C10orf95: variants seen among roughly 807,000 people sequenced by gnomAD.
C10orf95 encodes uncharacterized protein C10orf95.
For synonymous variants in C10orf95, 188 were observed against 160.4 expected, an observed-to-expected ratio of 1.17 and a Z score of -1.30; for missense variants, 412 against 327.4, an observed-to-expected ratio of 1.26 and a Z score of -1.99.
At position 102,451,438 on chromosome 10, in the gene C10orf95, C is replaced by T. The variant is rs775290561; in HGVS notation, c.-107G>A. The stretch of plus-strand genomic sequence containing the variant: ...CGGGATCCAGAGCGGGGCTCCTCTC[C>T]GCACTTTGTAGCTGCGTTGCTCCGC... On this transcript the variant is annotated 5_prime_UTR_variant, in exon 1 of 2. Coordinates refer to ENST00000625129, the MANE Select transcript of C10orf95 (RefSeq NM_001363580.1). 4 of 1,455,048 alleles carry T rather than the reference C, an allele frequency of 2.7e-6. No individual in the cohort carries two copies. Among genetic ancestry groups the T allele is most frequent in the Admixed American group, 1.8e-5 (1 of 55,070 alleles). 90.1% of individuals were successfully genotyped at this position (1,455,048 alleles called of 1,614,324 possible). A position where few individuals can be genotyped will look rare whatever the true frequency, so the allele number is the denominator to read the frequency against.
In C10orf95 at chr10:102,450,334, A is replaced by G. The variant is rs1467986873; in HGVS notation, c.*118T>C. The stretch of plus-strand genomic sequence containing the variant: ...ATGGGAGAAGCCAAAAAGACAGGTG[A>G]GCAGCGCGTCCGCCTCCCGCGCACA... On this transcript the variant is annotated 3_prime_UTR_variant, in exon 2 of 2. Transcript: ENST00000625129. 3 of 1,101,922 alleles carry G rather than the reference A, an allele frequency of 2.7e-6. No individual in the cohort carries two copies. Among genetic ancestry groups the G allele is most frequent in the Non-Finnish European group, 4.0e-6 (3 of 755,512 alleles). The allele number at this position is 1,101,922 out of a possible 1,614,324, so 68.3% of individuals were successfully genotyped here.
In C10orf95 at chr10:102,450,490, C is replaced by G. The variant is rs1277965531; in HGVS notation, c.604G>C (p.Glu202Gln). The change falls in exon 2 of 2, where the codon GAG becomes CAG. Residue 202 changes from glutamate (E) to glutamine (Q), a missense_variant. By Grantham distance (29) the Glu-to-Gln change is conservative (BLOSUM62 2). Coordinates refer to ENST00000625129, the MANE Select transcript of C10orf95 (RefSeq NM_001363580.1). ...GDSSPAREAAERGRPRKSKGL... is the reference protein window; with the variant it reads ...GDSSPAREAAQRGRPRKSKGL... ...TTGCTCTTCCTGGGGCGGCCGCGCTCCGCGGCTTCCCGGGCTGGGCTGCTG... is the reference window on the plus strand; with the variant it reads ...TTGCTCTTCCTGGGGCGGCCGCGCTGCGCGGCTTCCCGGGCTGGGCTGCTG... 3 of 1,447,668 alleles carry G rather than the reference C, an allele frequency of 2.1e-6. No individual in the cohort carries two copies. Among genetic ancestry groups the G allele is most frequent in the Non-Finnish European group, 9.0e-7 (1 of 1,107,116 alleles). 89.7% of individuals were successfully genotyped at this position (1,447,668 alleles called of 1,614,324 possible).
In C10orf95 at chr10:102,450,826, C is replaced by T. The variant is rs1565243956; in HGVS notation, c.268G>A (p.Ala90Thr). ...GACAGTCCCGAGATGCCGGCGGCGGCGCAGGGCCGGCGCAGGGTCGTGGCG... is the reference window on the plus strand; with the variant it reads ...GACAGTCCCGAGATGCCGGCGGCGGTGCAGGGCCGGCGCAGGGTCGTGGCG... Reference protein sequence around the residue: ...AYATTLRRPCAAAGISGLSLQ... With the variant: ...AYATTLRRPCTAAGISGLSLQ... The change falls in exon 2 of 2, where the codon GCC becomes ACC. Residue 90 changes from alanine (A) to threonine (T), a missense_variant. Coordinates refer to ENST00000625129, the MANE Select transcript of C10orf95 (RefSeq NM_001363580.1). 8.0e-7 allele frequency: 1 copy of T among 1,249,172 alleles called. No homozygotes were observed. The highest frequency in any genetic ancestry group is 1.0e-6 in the Non-Finnish European group (1 of 1,000,166). 77.4% of individuals were successfully genotyped at this position (1,249,172 alleles called of 1,614,324 possible). A position where few individuals can be genotyped will look rare whatever the true frequency, so the allele number is the denominator to read the frequency against.
chr10:102,450,488 C>G lies in C10orf95; in HGVS notation c.606G>C (p.Glu202Asp), dbSNP rs1346192670. 2 of 1,450,780 alleles carry G rather than the reference C, an allele frequency of 1.4e-6. No homozygotes were observed. The highest frequency in any genetic ancestry group is 1.8e-6 in the Non-Finnish European group (2 of 1,108,444). 89.9% of individuals were successfully genotyped at this position (1,450,780 alleles called of 1,614,324 possible). Reference sequence around the variant, plus strand: ...CCTTGCTCTTCCTGGGGCGGCCGCGCTCCGCGGCTTCCCGGGCTGGGCTGC... The same window carrying G: ...CCTTGCTCTTCCTGGGGCGGCCGCGGTCCGCGGCTTCCCGGGCTGGGCTGC... ...GDSSPAREAA[E>D]RGRPRKSKGL... The change falls in exon 2 of 2, where the codon GAG becomes GAC. Residue 202 changes from glutamate (E) to aspartate (D), a missense_variant. Glu to Asp is a conservative substitution (Grantham distance 45). Transcript: ENST00000625129.
chr10:102,451,327 A>G (rs1225819510), intron 1 of C10orf95, 59 bp downstream of exon 1: 13 of 1,533,556 alleles, frequency 8.5e-6, no homozygotes, highest in Admixed American at 7.3e-5. Flanking sequence ...CCCAGCAGAC[A>G]ATAAGGAGCC....
In C10orf95 at chr10:102,450,773, C is replaced by G. The variant is rs1452025721; in HGVS notation, c.321G>C (p.Glu107Asp). Residue 107 changes from glutamate (E) to aspartate (D), a missense_variant, in exon 2 of 2, where the codon GAG becomes GAC. Physicochemically the swap from Glu to Asp is conservative, Grantham distance 45 (BLOSUM62 2). Coordinates refer to ENST00000625129, the MANE Select transcript of C10orf95 (RefSeq NM_001363580.1). ...CGCCCTCCGGCCACGGCGCCCAGCTCTCGGCCACCGCCGCGGGCGCCTGCA... is the reference window on the plus strand; with the variant it reads ...CGCCCTCCGGCCACGGCGCCCAGCTGTCGGCCACCGCCGCGGGCGCCTGCA... ...LSLQAPAAVA[E>D]SWAPWPEGGS... The G allele has an allele frequency of 8.5e-6, 11 of 1,290,348 alleles. No homozygotes were observed. Among genetic ancestry groups the G allele is most frequent in the Non-Finnish European group, 1.1e-5 (11 of 1,018,534 alleles). 79.9% of individuals were successfully genotyped at this position (1,290,348 alleles called of 1,614,324 possible). A position where few individuals can be genotyped will look rare whatever the true frequency, so the allele number is the denominator to read the frequency against.
In C10orf95 at chr10:102,451,454, G is replaced by A. The variant is rs1238015128; in HGVS notation, c.-123C>T. On this transcript the variant is annotated 5_prime_UTR_variant, in exon 1 of 2. The change creates a new upstream start codon in the 5' untranslated region. Transcript: ENST00000625129. ...GCTCCTCTCCGCACTTTGTAGCTGC[G>A]TTGCTCCGCTCCATGCCCTGCCTCA... is the stretch of plus-strand genomic sequence containing the variant. 7.0e-7 allele frequency: 1 copy of A among 1,428,994 alleles called. No individual in the cohort carries two copies. The highest frequency in any genetic ancestry group is 1.4e-5 in the African/African-American group (1 of 70,452). 88.5% of individuals were successfully genotyped at this position (1,428,994 alleles called of 1,614,324 possible). A position where few individuals can be genotyped will look rare whatever the true frequency, so the allele number is the denominator to read the frequency against.
At position 102,450,396 on chromosome 10, in the gene C10orf95, C is replaced by T. The variant is rs987733192; in HGVS notation, c.*56G>A. The T allele has an allele frequency of 5.3e-6, 8 of 1,506,118 alleles. No individual in the cohort carries two copies. The African/African-American group carries it at 1.1e-4, about 21-fold the overall frequency. The allele number at this position is 1,506,118 out of a possible 1,614,324, so 93.3% of individuals were successfully genotyped here. A position where few individuals can be genotyped will look rare whatever the true frequency, so the allele number is the denominator to read the frequency against. The stretch of plus-strand genomic sequence containing the variant: ...ACTTCTGCCTGTCGGCGGCGGCACA[C>T]ACAGGAAAGAGCCAAGCGCGTGCAC... On this transcript the variant is annotated 3_prime_UTR_variant, in exon 2 of 2. Transcript: ENST00000625129.
Position 102,450,563 on chromosome 10 carries a change from G to A in C10orf95, c.531C>T (p.Pro177=). ...LLQATPRVLE[P]DHRVEWRVRR... is the part of the protein sequence containing the mutation. ...GCACGCGCCACTCCACGCGGTGGTC[G>A]GGCTCGAGCACGCGCGGCGTCGCCT... Residue 177 remains proline, a synonymous_variant, in exon 2 of 2, where the codon CCC becomes CCT. Coordinates refer to ENST00000625129, the MANE Select transcript of C10orf95 (RefSeq NM_001363580.1). The A allele has an allele frequency of 7.7e-7, 1 of 1,299,264 alleles. No individual in the cohort carries two copies. The highest frequency in any genetic ancestry group is 2.4e-5 in the South Asian group (1 of 42,286). 80.5% of individuals were successfully genotyped at this position (1,299,264 alleles called of 1,614,324 possible).
Position 102,450,390 on chromosome 10 carries a change from G to A in C10orf95, c.*62C>T. On this transcript the variant is annotated 3_prime_UTR_variant, in exon 2 of 2. Coordinates refer to ENST00000625129, the MANE Select transcript of C10orf95 (RefSeq NM_001363580.1). The stretch of plus-strand genomic sequence containing the variant: ...GGGCTCACTTCTGCCTGTCGGCGGC[G>A]GCACACACAGGAAAGAGCCAAGCGC... The A allele has an allele frequency of 2.0e-6, 3 of 1,490,820 alleles. No individual in the cohort carries two copies. In the South Asian group the frequency reaches 3.6e-5, roughly 18 times the overall value. The allele number at this position is 1,490,820 out of a possible 1,614,324, so 92.3% of individuals were successfully genotyped here. A position where few individuals can be genotyped will look rare whatever the true frequency, so the allele number is the denominator to read the frequency against.
In C10orf95 at chr10:102,450,292, G is replaced by A. The variant is rs1296735531; in HGVS notation, c.*160C>T. 1 of 802,886 alleles carries A rather than the reference G, an allele frequency of 1.2e-6. No individual in the cohort carries two copies. Among genetic ancestry groups the A allele is most frequent in the South Asian group, 1.5e-5 (1 of 68,956 alleles). The allele number at this position is 802,886 out of a possible 1,614,324, so 49.7% of individuals were successfully genotyped here. ...AATAAAGCGAGAGAAACAAGTGCAGGAAACTGGCCGGCAGTCATGGGAGAA... is the reference window on the plus strand; with the variant it reads ...AATAAAGCGAGAGAAACAAGTGCAGAAAACTGGCCGGCAGTCATGGGAGAA... On this transcript the variant is annotated 3_prime_UTR_variant, in exon 2 of 2. Coordinates refer to ENST00000625129, the MANE Select transcript of C10orf95 (RefSeq NM_001363580.1).
At chr10:102,451,282 G>C (rs1245716472) in intron 1 of C10orf95, 104 bp downstream of exon 1, 36 of 1,438,362 alleles carry the variant, frequency 2.5e-5, no homozygotes, top group Non-Finnish European at 1.8e-5. Context: ...TCCCCGCCTA[G>C]CCTCTTGTCC....
At position 102,450,346 on chromosome 10, in the gene C10orf95, G is replaced by A. The variant is rs1033082379; in HGVS notation, c.*106C>T. Reference sequence around the variant, plus strand: ...AAAAAGACAGGTGAGCAGCGCGTCCGCCTCCCGCGCACAGGTGAGGGCTCA... The same window carrying A: ...AAAAAGACAGGTGAGCAGCGCGTCCACCTCCCGCGCACAGGTGAGGGCTCA... On this transcript the variant is annotated 3_prime_UTR_variant, in exon 2 of 2. Transcript: ENST00000625129. 8.1e-6 allele frequency: 10 copies of A among 1,237,728 alleles called. No individual in the cohort carries two copies. The Admixed American group carries it at 1.0e-4, about 12-fold the overall frequency. 76.7% of individuals were successfully genotyped at this position (1,237,728 alleles called of 1,614,324 possible).
chr10:102,451,291 C>G, intron 1 of C10orf95, 95 bp downstream of exon 1: 1 of 1,461,098 alleles, frequency 6.8e-7, no homozygotes, highest in East Asian at 2.4e-5. Flanking sequence ...AGCCTCTTGT[C>G]CCAAGGTCGG....
rs1565243592 is a variant in C10orf95 at position 102,450,424 on chromosome 10, G to A, written c.*28C>T. 1.4e-5 allele frequency: 21 copies of A among 1,528,252 alleles called. No homozygotes were observed. The highest frequency in any genetic ancestry group is 1.8e-5 in the Non-Finnish European group (21 of 1,141,650). 94.7% of individuals were successfully genotyped at this position (1,528,252 alleles called of 1,614,324 possible). A position where few individuals can be genotyped will look rare whatever the true frequency, so the allele number is the denominator to read the frequency against. The stretch of plus-strand genomic sequence containing the variant: ...AGGAAAGAGCCAAGCGCGTGCACGC[G>A]GGCCCGCCCCTAGGCCTTGCGGCGG... On this transcript the variant is annotated 3_prime_UTR_variant, in exon 2 of 2. Coordinates refer to ENST00000625129, the MANE Select transcript of C10orf95 (RefSeq NM_001363580.1).
In C10orf95 at chr10:102,450,844, T is replaced by A; in HGVS notation, c.250A>T (p.Thr84Ser). Residue 84 changes from threonine to serine, a missense_variant, in exon 2 of 2, where the codon ACC becomes TCC. Coordinates refer to ENST00000625129, the MANE Select transcript of C10orf95 (RefSeq NM_001363580.1). ...WWACPPAYATTLRRPCAAAGI... is the reference protein window; with the variant it reads ...WWACPPAYATSLRRPCAAAGI... ...GCGGCGGCGCAGGGCCGGCGCAGGG[T>A]CGTGGCGTAGGCCGGAGGGCAGGCC... 1 of 1,239,434 alleles carries A rather than the reference T, an allele frequency of 8.1e-7. No homozygotes were observed. The highest frequency in any genetic ancestry group is 1.0e-6 in the Non-Finnish European group (1 of 993,700). The allele number at this position is 1,239,434 out of a possible 1,614,324, so 76.8% of individuals were successfully genotyped here. A position where few individuals can be genotyped will look rare whatever the true frequency, so the allele number is the denominator to read the frequency against.
rs749541923 is a variant in C10orf95, at chr10:102,450,643, T to G, written c.451A>C (p.Thr151Pro). ...ACGCGCACGTCGGCGCGGGGGTAGG[T>G]GCCGTACGCGCGCCGCAGCTCCCGG... is the stretch of plus-strand genomic sequence containing the variant. ...VRRELRRAYGTYPRADVRVTQ... is the reference protein window; with the variant it reads ...VRRELRRAYGPYPRADVRVTQ... The change falls in exon 2 of 2, where the codon ACC becomes CCC. Residue 151 changes from threonine to proline, a missense_variant. Physicochemically the swap from Thr to Pro is conservative, Grantham distance 38. Coordinates refer to ENST00000625129, the MANE Select transcript of C10orf95 (RefSeq NM_001363580.1). 42 of 1,231,522 alleles carry G rather than the reference T, an allele frequency of 3.4e-5. No individual in the cohort carries two copies. In the East Asian group the frequency reaches 1.2e-3, roughly 34 times the overall value. The allele number at this position is 1,231,522 out of a possible 1,614,324, so 76.3% of individuals were successfully genotyped here.
In C10orf95 at chr10:102,451,044, G is replaced by T; in HGVS notation, c.50C>A (p.Pro17Gln). 1 of 1,357,692 alleles carries T rather than the reference G, an allele frequency of 7.4e-7. No homozygotes were observed. 84.1% of individuals were successfully genotyped at this position (1,357,692 alleles called of 1,614,324 possible). The change falls in exon 2 of 2, where the codon CCG (proline) becomes CAG (glutamine). Residue 17 changes from proline to glutamine, a missense_variant. Transcript: ENST00000625129. ...GTAGGTGCAGGTGAGCAGCTGCGGC[G>T]GCGGCGGCCAGACGCCCTGTTTGGG... ...PPPKQGVWPP[P>Q]PQLLTCTYLA...
Position 102,451,077 on chromosome 10 carries a change from C to T in C10orf95, c.17G>A (p.Trp6Ter), listed in dbSNP as rs1341533536. MYVYS[W>*]PPPKQGVWPP... is the part of the protein sequence containing the mutation. ...CCAGACGCCCTGTTTGGGCGGCGGC[C>T]AGCTGTACACATACATGGTCGGCCC... The change falls in exon 2 of 2, where the codon TGG becomes TAG. Residue 6 changes from tryptophan to a stop codon, truncating the protein, a stop_gained. Transcript: ENST00000625129. LOFTEE classifies it low-confidence loss of function (END_TRUNC). The T allele has an allele frequency of 2.2e-6, 3 of 1,375,362 alleles. No homozygotes were observed. Among genetic ancestry groups the T allele is most frequent in the East Asian group, 2.7e-5 (1 of 37,314 alleles). The allele number at this position is 1,375,362 out of a possible 1,614,324, so 85.2% of individuals were successfully genotyped here. A position where few individuals can be genotyped will look rare whatever the true frequency, so the allele number is the denominator to read the frequency against.
Sources: allele counts gnomAD v4.1 joint callset, GRCh38; gene constraint gnomAD v4.1.1; transcripts MANE v1.5; gene names NCBI Gene and HGNC (gene_info 2026-07-23, HGNC 2026-07-21).